The following SLCO2A1 variants were observed in gnomAD, a reference collection of about 807,000 sequenced individuals.
The protein encoded by SLCO2A1 is matrin F/G 1.
In SLCO2A1, 60 loss-of-function variants were observed where a neutral mutation model predicts 71.7. The observed-to-expected ratio is 0.84, with a 90% confidence interval of 0.68 to 1.04. The LOEUF is 1.04. Among genes scored for constraint, SLCO2A1 ranks in the 50% least tolerant of loss-of-function variants. SLCO2A1 has a pLI of 0.00. For missense variants in SLCO2A1, 745 were observed against 813.4 expected, an observed-to-expected ratio of 0.92 and a Z score of 1.02; for synonymous variants, 308 against 326.7, an observed-to-expected ratio of 0.94 and a Z score of 0.62.
At chr3:133,944,110 G>C (rs762772718) in intron 10 of SLCO2A1, among the ~76,000 whole-genome samples, 2 of 152,128 alleles carry the variant, frequency 1.3e-5, no homozygotes, top group African/African-American at 2.4e-5. Flanking sequence ...TCATGCCCTT[G>C]GGACTTGTAC....
chr3:133,954,938 C>T (rs1481397647), intron 4 of SLCO2A1, 28 bp downstream of exon 4: 1 of 1,593,750 alleles, frequency 6.3e-7, no homozygotes, highest in Admixed American at 1.7e-5. Context: ...CACCCCTCCC[C>T]AAAGCCCTCT....
chr3:133,945,880 C>T (rs1243644556), intron 9 of SLCO2A1, among the ~76,000 whole-genome samples: 1 of 152,204 alleles, frequency 6.6e-6, no homozygotes, highest in Non-Finnish European at 1.5e-5. Context: ...GAGAGTTCAT[C>T]TCGTGCCAGG....
intron 1 of SLCO2A1, among the ~76,000 whole-genome samples, chr3:134,028,995 T>TA (rs1935757046): frequency 1.8e-5 from 1 of 54,828 alleles, no homozygotes; most frequent in Non-Finnish European, 3.6e-5. Flanking sequence ...GCCTGGTGAG[T>TA]GGACCTGCTT....
At position 133,955,135 on chromosome 3, in the gene SLCO2A1, G is replaced by A; in HGVS notation, c.456C>T (p.Pro152=). The change falls in exon 4 of 14, where the codon CCC becomes CCT. Residue 152 remains proline (P), a synonymous_variant. Coordinates refer to ENST00000310926, the MANE Select transcript of SLCO2A1 (RefSeq NM_005630.3). ...LCQKHWQDLP[P]SKCHSTTQNP... is the part of the protein sequence containing the mutation. ...TCTGGGTGGTGCTGTGGCACTTACT[G>A]GGAGGCAGGTCCTGCCAATGCTTCT... 2.5e-6 allele frequency: 4 copies of A among 1,614,164 alleles called. No homozygotes were observed. Among genetic ancestry groups the A allele is most frequent in the Non-Finnish European group, 2.5e-6 (3 of 1,180,020 alleles).
chr3:133,989,082 G>A (rs553291758), intron 1 of SLCO2A1, among the ~76,000 whole-genome samples: 128 of 152,178 alleles, frequency 8.4e-4, no homozygotes, highest in African/African-American at 3.0e-3. Context: ...ATTGGCCGGC[G>A]GGCCCTGCAG....
At chr3:133,945,028 G>A in intron 10 of SLCO2A1, 67 bp downstream of exon 10, 3 of 1,525,472 alleles carry the variant, frequency 2.0e-6, no homozygotes, top group Non-Finnish European at 2.7e-6. Context: ...AACAGTCTTT[G>A]AGGGCATGCG....
intron 9 of SLCO2A1, among the ~76,000 whole-genome samples, chr3:133,946,943 C>T (rs1182565280): frequency 6.6e-6 from 1 of 151,944 alleles, no homozygotes; most frequent in Non-Finnish European, 1.5e-5. Context: ...GGTGAAACCC[C>T]GCCTCAACTA....
chr3:133,982,182 A>G (rs2108059823), intron 1 of SLCO2A1, among the ~76,000 whole-genome samples: 1 of 152,272 alleles, frequency 6.6e-6, no homozygotes, highest in Middle Eastern at 3.4e-3. Flanking sequence ...AGGACACCAA[A>G]GCTCACTTGA....
At chr3:133,980,758 G>A (rs1446123021) in intron 1 of SLCO2A1, among the ~76,000 whole-genome samples, 1 of 152,232 alleles carries the variant, frequency 6.6e-6, no homozygotes, top group East Asian at 1.9e-4. Context: ...TGCCAGGGCA[G>A]AACCTTTGCG....
chr3:133,992,156 A>T (rs1342421121), intron 1 of SLCO2A1, among the ~76,000 whole-genome samples: 1 of 152,168 alleles, frequency 6.6e-6, no homozygotes, highest in Non-Finnish European at 1.5e-5. Flanking sequence ...ATCATATAAG[A>T]TACAATTTAA....
intron 9 of SLCO2A1, among the ~76,000 whole-genome samples, chr3:133,946,811 G>T (rs753862899): frequency 6.6e-6 from 1 of 152,094 alleles, no homozygotes; most frequent in South Asian, 2.1e-4. Context: ...AAGTTGCCAC[G>T]TGAGAGATCA....
Position 133,932,929 on chromosome 3 carries a change from T to C in SLCO2A1, c.*1784A>G, listed in dbSNP as rs1032289824. ...GCTAAAACTGGCCCCTGAGGTTACA[T>C]TGAGCCTCCCTTCCTGAGTGAGATG... On this transcript the variant is annotated 3_prime_UTR_variant, in exon 14 of 14. Coordinates refer to ENST00000310926, the MANE Select transcript of SLCO2A1 (RefSeq NM_005630.3). The C allele has an allele frequency of 6.6e-5, 10 of 152,644 alleles. No individual in the cohort carries two copies. Among genetic ancestry groups the C allele is most frequent in the African/African-American group, 1.9e-4 (8 of 41,470 alleles). 9.5% of individuals were successfully genotyped at this position (152,644 alleles called of 1,614,324 possible).
At chr3:133,955,297 C>T in intron 3 of SLCO2A1, 104 bp from the exon 4 acceptor site, 2 of 966,242 alleles carry the variant, frequency 2.1e-6, no homozygotes, top group Non-Finnish European at 3.0e-6. Flanking sequence ...GAAGGACCAA[C>T]TTTGGCCAGA....
chr3:133,946,544 G>A (rs1226500886), intron 9 of SLCO2A1, among the ~76,000 whole-genome samples: 6 of 152,110 alleles, frequency 3.9e-5, no homozygotes, highest in Non-Finnish European at 1.5e-5. Flanking sequence ...TTCTTCTCCA[G>A]ATCTTTTCAA....
At chr3:133,994,985 T>G (rs1934932866) in intron 1 of SLCO2A1, among the ~76,000 whole-genome samples, 1 of 152,200 alleles carries the variant, frequency 6.6e-6, no homozygotes, top group African/African-American at 2.4e-5. Flanking sequence ...CAGAGTAATC[T>G]TTCAAGAACT....
intron 7 of SLCO2A1, 28 bp from the exon 8 acceptor site, chr3:133,948,728 G>C: frequency 6.2e-7 from 1 of 1,609,160 alleles, no homozygotes; most frequent in Non-Finnish European, 8.5e-7. Context: ...TCAAGGCTCT[G>C]GCAGAACCCC....
chr3:134,010,563 C>T (rs1935314220), intron 1 of SLCO2A1, among the ~76,000 whole-genome samples: 1 of 151,998 alleles, frequency 6.6e-6, no homozygotes, highest in Admixed American at 6.6e-5. Flanking sequence ...ACCAGCCTGA[C>T]CAACATGGTT....
intron 1 of SLCO2A1, among the ~76,000 whole-genome samples, chr3:134,007,475 T>C (rs1245318336): frequency 6.6e-6 from 1 of 152,228 alleles, no homozygotes; most frequent in Non-Finnish European, 1.5e-5. Flanking sequence ...CTTTTATTCA[T>C]TTGAAGTTAA....
Position 133,951,228 on chromosome 3 carries a change from C to T in SLCO2A1, c.841G>A (p.Ala281Thr), listed in dbSNP as rs775726476. The change falls in exon 6 of 14, where the codon GCA becomes ACA. Residue 281 changes from alanine to threonine, a missense_variant. Physicochemically the swap from Ala to Thr is moderately conservative, Grantham distance 58. Coordinates refer to ENST00000310926, the MANE Select transcript of SLCO2A1 (RefSeq NM_005630.3). ...TSFPFFFFPR[A>T]MPIGAKRAPA... is the part of the protein sequence containing the mutation. ...CTTACCTTTGCTCCTATGGGCATTG[C>T]TCGAGGGAAGAAAAAAAAGGGGAAA... The T allele has an allele frequency of 4.3e-6, 7 of 1,613,862 alleles. No individual in the cohort carries two copies. The African/African-American group carries it at 6.7e-5, about 15-fold the overall frequency.
Sources: allele counts gnomAD v4.1 joint callset (sites outside exome capture counted in the v4.1 genomes callset), GRCh38; gene constraint gnomAD v4.1.1; transcripts MANE v1.5; gene names NCBI Gene and HGNC (gene_info 2026-07-23, HGNC 2026-07-21).